Variants in PRKAR1B observed in about 807,000 individuals in gnomAD.
The protein encoded by PRKAR1B is cAMP-dependent protein kinase type I-beta regulatory subunit.
A neutral mutation model predicts 46.5 loss-of-function variants in PRKAR1B; 22 were observed. The observed-to-expected ratio is 0.47, with a 90% confidence interval of 0.34 to 0.68. The LOEUF (loss-of-function observed/expected upper bound fraction) is 0.68, where lower values mean the gene tolerates loss of function less well. Among genes scored for constraint, PRKAR1B ranks in the 30% least tolerant of loss-of-function variants. The pLI is 0.01. For synonymous variants in PRKAR1B, 259 were observed against 217.7 expected (o/e 1.19, Z -1.67); for missense variants, 445 against 535.6 (o/e 0.83, Z 1.67).
chr7:711,870 C>T (rs988353683), intron 1 of PRKAR1B, among the ~76,000 whole-genome samples: 2 of 151,178 alleles, frequency 1.3e-5, no homozygotes, highest in Non-Finnish European at 3.0e-5. Flanking sequence ...GAGGGTCCAG[C>T]CGGGGGGTTC....
Position 602,534 on chromosome 7 carries a change from C to A in PRKAR1B, c.549+3659G>T, listed in dbSNP as rs1414821052. 1 of 169,296 alleles carries A rather than the reference C, an allele frequency of 5.9e-6. No individual in the cohort carries two copies. The highest frequency in any genetic ancestry group is 1.9e-4 in the East Asian group (1 of 5,180). 10.5% of individuals were successfully genotyped at this position (169,296 alleles called of 1,614,324 possible). A position where few individuals can be genotyped will look rare whatever the true frequency, so the allele number is the denominator to read the frequency against. ...TGATCCCTCCAGCAGTCCCAGCCGC[C>A]GGCCCCTCACACCCTCACCTCTCCC... On this transcript the variant is annotated intron_variant, in intron 6 of 10. Coordinates refer to ENST00000537384, the MANE Select transcript of PRKAR1B (RefSeq NM_001164760.2). This position sits in a 1 kb window ranked among gnomAD's most constrained non-coding sequence, Gnocchi z 6.4.
At chr7:686,748 G>A (rs2128512386) in intron 2 of PRKAR1B, among the ~76,000 whole-genome samples, 1 of 152,100 alleles carries the variant, frequency 6.6e-6, no homozygotes, top group African/African-American at 2.4e-5. Context: ...TTAATTACAA[G>A]GCCAATTTCA....
At chr7:647,119 C>T (rs1286878045) in intron 4 of PRKAR1B, among the ~76,000 whole-genome samples, 2 of 152,230 alleles carry the variant, frequency 1.3e-5, no homozygotes, top group Non-Finnish European at 1.5e-5. Flanking sequence ...CTCTCTCCCA[C>T]GTCCTACAGG....
intron 9 of PRKAR1B, among the ~76,000 whole-genome samples, chr7:555,674 T>A (rs1778382053): frequency 6.6e-6 from 1 of 152,104 alleles, no homozygotes; most frequent in Admixed American, 6.5e-5. Context: ...CAGCATGTTG[T>A]GGGGGGCATG....
chr7:662,120 T>C lies in PRKAR1B; in HGVS notation c.440+15109A>G, dbSNP rs371428261. 4.2e-3 allele frequency among the ~76,000 whole-genome samples: 272 copies of C among 65,302 alleles called. 7 individuals carry two copies. The highest frequency in any genetic ancestry group is 6.9e-3 in the African/African-American group (103 of 14,896). 42.8% of individuals were successfully genotyped at this position (65,302 alleles called of 152,430 possible). A position where few individuals can be genotyped will look rare whatever the true frequency, so the allele number is the denominator to read the frequency against. ...CCCATGGCACAGGTCCCCACCCCAG[T>C]GGGTCCAAATACTTACTCTTTCCCT... On this transcript the variant is annotated intron_variant, in intron 4 of 10. Transcript: ENST00000537384.
rs1778606948 is a variant in PRKAR1B, at chr7:680,479, G to A, written c.348+77C>T. On this transcript the variant is annotated intron_variant, in intron 3 of 10. Coordinates refer to ENST00000537384, the MANE Select transcript of PRKAR1B (RefSeq NM_001164760.2). ...CCCCAGGAGGATGAGGGTGCCCCGTGGGCTTCCAGGGAGCTCACAGGTGAC... is the reference window on the plus strand; with the variant it reads ...CCCCAGGAGGATGAGGGTGCCCCGTAGGCTTCCAGGGAGCTCACAGGTGAC... 2.1e-6 allele frequency: 3 copies of A among 1,409,766 alleles called. No homozygotes were observed. In the Admixed American group the frequency reaches 7.8e-5, roughly 37 times the overall value. 87.3% of individuals were successfully genotyped at this position (1,409,766 alleles called of 1,614,324 possible).
chr7:676,493 CG>C (rs1562607587), intron 4 of PRKAR1B, among the ~76,000 whole-genome samples: 3 of 152,184 alleles, frequency 2.0e-5, no homozygotes, highest in Non-Finnish European at 4.4e-5. Flanking sequence ...CGGAAGAGGC[CG>C]GAACACGAAG....
intron 4 of PRKAR1B, among the ~76,000 whole-genome samples, chr7:608,966 CTGT>C: frequency 1.5e-5 from 1 of 66,130 alleles, no homozygotes; most frequent in African/African-American, 5.4e-5. Context: ...GGGGCCTCCA[CTGT>C]CCTCCCACCT....
intron 4 of PRKAR1B, among the ~76,000 whole-genome samples, chr7:629,827 C>T (rs1180766076): frequency 2.3e-5 from 2 of 86,062 alleles, no homozygotes; most frequent in African/African-American, 1.1e-4. Flanking sequence ...GCTGCAGGAG[C>T]GGGGCCACGG....
chr7:560,390 AAATAT>A lies in PRKAR1B; in HGVS notation c.892-8925_892-8921del, dbSNP rs1778712333. ...TAATAATAATAATAATAATAATAAT[AAATAT>A]ATTTTAAAAGAAACTTTGTATCACG... On this transcript the variant is annotated intron_variant, in intron 9 of 10. Transcript: ENST00000537384. The surrounding 1 kb of genome is among the most constrained non-coding windows in gnomAD (Gnocchi z 4.2). Among the ~76,000 whole-genome samples, 1 of 144,874 alleles carries A rather than the reference AAATAT, an allele frequency of 6.9e-6. No homozygotes were observed. The highest frequency in any genetic ancestry group is 6.9e-5 in the Admixed American group (1 of 14,514).
intron 4 of PRKAR1B, among the ~76,000 whole-genome samples, chr7:657,903 C>T (rs1316661790): frequency 6.6e-6 from 1 of 152,238 alleles, no homozygotes; most frequent in South Asian, 2.1e-4. Flanking sequence ...GCGAGGCTTG[C>T]GTAATTCCCA....
Position 640,795 on chromosome 7 carries a change from CACACACACACACAG to C in PRKAR1B, c.441-33357_441-33344del, listed in dbSNP as rs1205073757. ...ACACACACACACACACACACACACA[CACACACACACACAG>C]ACACAAATGAAATACCACTTTGCAT... On this transcript the variant is annotated intron_variant, in intron 4 of 10. Coordinates refer to ENST00000537384, the MANE Select transcript of PRKAR1B (RefSeq NM_001164760.2). 1.2e-3 allele frequency among the ~76,000 whole-genome samples: 152 copies of C among 126,778 alleles called. 1 individual carries two copies. The highest frequency in any genetic ancestry group is 3.1e-3 in the African/African-American group (98 of 31,964). 83.2% of individuals were successfully genotyped at this position (126,778 alleles called of 152,430 possible). A position where few individuals can be genotyped will look rare whatever the true frequency, so the allele number is the denominator to read the frequency against.
intron 4 of PRKAR1B, among the ~76,000 whole-genome samples, chr7:638,209 T>G (rs943290730): frequency 2.6e-5 from 4 of 152,364 alleles, no homozygotes; most frequent in African/African-American, 9.6e-5. Context: ...GCTCCTCGAC[T>G]TGGCACATTT....
intron 4 of PRKAR1B, among the ~76,000 whole-genome samples, chr7:663,482 C>A (rs1490936901): frequency 1.3e-5 from 2 of 152,214 alleles, no homozygotes; most frequent in African/African-American, 4.8e-5. Context: ...AGCAATCCCC[C>A]TGCCTCAGCC....
intron 4 of PRKAR1B, among the ~76,000 whole-genome samples, chr7:627,605 AC>A (rs1783481255): frequency 6.6e-6 from 1 of 152,108 alleles, no homozygotes; most frequent in South Asian, 2.1e-4. Flanking sequence ...CGTCCGGGGC[AC>A]CCCAGTACTG....
chr7:727,158 G>A, intron 1 of PRKAR1B, 52 bp downstream of exon 1: 1 of 1,286,914 alleles, frequency 7.8e-7, no homozygotes, highest in Non-Finnish European at 9.9e-7. Context: ...TGGCGCTTGT[G>A]CAGCTGCTGG....
At chr7:675,225 C>A (rs1007453020) in intron 4 of PRKAR1B, among the ~76,000 whole-genome samples, 1 of 152,216 alleles carries the variant, frequency 6.6e-6, no homozygotes, top group Non-Finnish European at 1.5e-5. Context: ...ACAATTAGAT[C>A]TGTACTTATA....
At chr7:681,941 G>A (rs1401471789) in intron 2 of PRKAR1B, among the ~76,000 whole-genome samples, 1 of 152,234 alleles carries the variant, frequency 6.6e-6, no homozygotes, top group East Asian at 1.9e-4. Flanking sequence ...AGGACCAGAG[G>A]CAGGGGGCTC....
chr7:700,577 T>G (rs1435205390), intron 2 of PRKAR1B, among the ~76,000 whole-genome samples: 1 of 151,902 alleles, frequency 6.6e-6, no homozygotes, highest in Non-Finnish European at 1.5e-5. Flanking sequence ...AGGTTAACAC[T>G]CTAAAGCAGC....
Sources: allele counts gnomAD v4.1 joint callset (sites outside exome capture counted in the v4.1 genomes callset), GRCh38; gene constraint gnomAD v4.1.1; non-coding constraint Gnocchi (gnomAD v3.1); transcripts MANE v1.5; gene names NCBI Gene and HGNC (gene_info 2026-07-23, HGNC 2026-07-21).